Variants in AGBL3 observed in about 807,000 individuals in gnomAD.
The protein encoded by AGBL3 is cytosolic carboxypeptidase 3.
In AGBL3, 68 loss-of-function variants were observed where a neutral mutation model predicts 94.5. That is an observed-to-expected ratio of 0.72 (90% CI 0.59 to 0.88). AGBL3 has a LOEUF of 0.88. Ranked by LOEUF, AGBL3 falls within the 40% of genes least tolerant of loss-of-function variation. The pLI, the probability that AGBL3 is intolerant of heterozygous loss-of-function variation, is 0.00. For synonymous variants in AGBL3, 354 were observed against 370.7 expected (o/e 0.95, Z 0.52); for missense variants, 934 against 1,103.8 (o/e 0.85, Z 2.18).
intron 15 of AGBL3, chr7:135,101,200 T>A: frequency 2.2e-6 from 1 of 456,272 alleles, no homozygotes. Flanking sequence ...GGAAACTGTT[T>A]CAAAGTGACA....
chr7:135,017,054 T>A lies in AGBL3; in HGVS notation c.313T>A (p.Trp105Arg). The A allele has an allele frequency of 6.5e-7, 1 of 1,530,154 alleles. No homozygotes were observed. The highest frequency in any genetic ancestry group is 8.9e-7 in the Non-Finnish European group (1 of 1,129,264). The allele number at this position is 1,530,154 out of a possible 1,614,324, so 94.8% of individuals were successfully genotyped here. A position where few individuals can be genotyped will look rare whatever the true frequency, so the allele number is the denominator to read the frequency against. Residue 105 changes from tryptophan (W) to arginine (R), a missense_variant and splice_region_variant, in exon 5 of 17, where the codon TGG becomes AGG. This residue lies in a region of AGBL3 where 488 missense variants were observed against 563.6 expected (regional missense o/e 0.87). Transcript: ENST00000436302. ...TAATGTTTCACTTTTTTTTCCAGAT[T>A]GGACTCCTTCTTGTCCTGAGCCAGT... ...VIDEKVQHIDWTPSCPEPVYI... is the reference protein window; with the variant it reads ...VIDEKVQHIDRTPSCPEPVYI...
intron 16 of AGBL3, among the ~76,000 whole-genome samples, chr7:135,128,207 G>A (rs1828171689): frequency 1.6e-5 from 2 of 125,640 alleles, no homozygotes; most frequent in South Asian, 5.6e-4. Flanking sequence ...CAGGAGAATT[G>A]CTTGAACCCA....
intron 15 of AGBL3, among the ~76,000 whole-genome samples, chr7:135,083,947 C>T (rs1297251568): frequency 6.6e-6 from 1 of 152,096 alleles, no homozygotes. Context: ...GACTTGCAGA[C>T]CACACTTTGC....
chr7:134,991,154 T>A (rs1810191598), intron 3 of AGBL3, among the ~76,000 whole-genome samples: 1 of 138,838 alleles, frequency 7.2e-6, no homozygotes. Context: ...TGGGACTATC[T>A]TGCACATGTG....
chr7:134,999,845 A>G (rs1384769968), intron 4 of AGBL3, among the ~76,000 whole-genome samples: 2 of 152,258 alleles, frequency 1.3e-5, no homozygotes, highest in South Asian at 4.1e-4. Flanking sequence ...TTCCTCAATC[A>G]GAACTTTTCC....
At chr7:135,057,964 T>A (rs1334874182) in intron 11 of AGBL3, among the ~76,000 whole-genome samples, 1 of 152,162 alleles carries the variant, frequency 6.6e-6, no homozygotes, top group East Asian at 1.9e-4. Context: ...CAGAGGAATT[T>A]TAGGGCAGTT....
At chr7:135,106,425 G>C (rs1369519573) in intron 15 of AGBL3, among the ~76,000 whole-genome samples, 1 of 152,152 alleles carries the variant, frequency 6.6e-6, no homozygotes, top group Admixed American at 6.5e-5. Flanking sequence ...TAACATGGAG[G>C]AATGTTGAAT....
chr7:135,093,729 C>T (rs1207241343), intron 15 of AGBL3: 1 of 152,192 alleles, frequency 6.6e-6, no homozygotes, highest in East Asian at 1.9e-4. Flanking sequence ...TGTCAGCTAC[C>T]TTTTGTGCAG....
intron 15 of AGBL3, among the ~76,000 whole-genome samples, chr7:135,112,584 A>G (rs578115482): frequency 6.6e-6 from 1 of 152,196 alleles, no homozygotes; most frequent in African/African-American, 2.4e-5. Context: ...GCCCCCATCT[A>G]TAAGTATGGC....
chr7:134,995,715 G>A (rs1051669251), intron 4 of AGBL3, among the ~76,000 whole-genome samples: 9 of 152,142 alleles, frequency 5.9e-5, no homozygotes, highest in South Asian at 2.1e-4. Flanking sequence ...CTCAGCATAC[G>A]TTTCCCAAGA....
At chr7:135,045,605 A>T (rs1384186533) in intron 10 of AGBL3, 31 bp downstream of exon 10, 6 of 1,515,834 alleles carry the variant, frequency 4.0e-6, no homozygotes, top group Non-Finnish European at 5.4e-6. Context: ...AATGCATCAG[A>T]CTCCAGCCTA....
intron 15 of AGBL3, among the ~76,000 whole-genome samples, chr7:135,111,911 T>C (rs1330467023): frequency 6.6e-6 from 1 of 152,214 alleles, no homozygotes; most frequent in Non-Finnish European, 1.5e-5. Context: ...CATATTCCTC[T>C]GCCTACTGGA....
At chr7:135,006,882 C>T (rs73725203) in intron 4 of AGBL3, among the ~76,000 whole-genome samples, 4,780 of 151,760 alleles carry the variant, frequency 0.031, 244 homozygotes, top group African/African-American at 0.11. Flanking sequence ...ATGTAATTAT[C>T]AATTAGATGA....
chr7:135,102,262 T>C (rs1354381853), intron 15 of AGBL3, among the ~76,000 whole-genome samples: 3 of 152,214 alleles, frequency 2.0e-5, no homozygotes, highest in Admixed American at 6.5e-5. Context: ...AGTTTCTTCA[T>C]TAGGTCTAAA....
intron 15 of AGBL3, among the ~76,000 whole-genome samples, chr7:135,109,999 AC>A (rs1306502499): frequency 9.9e-5 from 15 of 152,160 alleles, no homozygotes; most frequent in Non-Finnish European, 1.5e-5. Context: ...AGCATCAAAG[AC>A]CCATGTGAAA....
intron 15 of AGBL3, among the ~76,000 whole-genome samples, chr7:135,084,801 C>T (rs1821199170): frequency 6.6e-6 from 1 of 152,002 alleles, no homozygotes; most frequent in Non-Finnish European, 1.5e-5. Flanking sequence ...GCTGCAATGA[C>T]CATGAGAGTG....
chr7:135,076,447 C>T lies in AGBL3; in HGVS notation c.1959C>T (p.His653=). The T allele has an allele frequency of 1.3e-6, 2 of 1,549,080 alleles. No individual in the cohort carries two copies. Among genetic ancestry groups the T allele is most frequent in the Non-Finnish European group, 1.7e-6 (2 of 1,145,100 alleles). Residue 653 remains histidine, a synonymous_variant, in exon 13 of 17, where the codon CAC becomes CAT. Transcript: ENST00000436302. ...AAAGGAATTCTACCATAGCAAGCCA[C>T]CAAAATGCCAGAGGACAAGAGGTAA... ...KKERNSTIAS[H]QNARGQEVYD...
At chr7:135,104,684 A>T (rs550503555) in intron 15 of AGBL3, among the ~76,000 whole-genome samples, 34 of 151,832 alleles carry the variant, frequency 2.2e-4, no homozygotes, top group Admixed American at 7.2e-4. Flanking sequence ...GATCAGTGAT[A>T]TTGAGCTTTA....
At chr7:135,059,505 C>T (rs1378450534) in intron 12 of AGBL3, among the ~76,000 whole-genome samples, 1 of 152,086 alleles carries the variant, frequency 6.6e-6, no homozygotes, top group East Asian at 1.9e-4. Flanking sequence ...GAGGTGGTAG[C>T]CTAACATACA....
Sources: gnomAD v4.1 joint callset for allele counts (sites outside exome capture counted in the v4.1 genomes callset) on GRCh38, gnomAD v4.1.1 for gene constraint, gnomAD v4.1.1 regional missense constraint, MANE v1.5 for transcripts, NCBI Gene and HGNC (gene_info 2026-07-23, HGNC 2026-07-21) for gene names.